The following STT3B variants were observed in gnomAD, a reference collection of about 807,000 sequenced individuals.
STT3B encodes dolichyl-diphosphooligosaccharide--protein glycosyltransferase subunit STT3B.
STT3B carries 29 observed loss-of-function variants against 96.8 expected under a neutral mutation model. The ratio of observed to expected loss-of-function variants is 0.30; its 90% CI spans 0.22 to 0.41. The LOEUF (loss-of-function observed/expected upper bound fraction) is 0.41. Ranked by LOEUF, STT3B falls within the 10% of genes least tolerant of loss-of-function variation. STT3B has a pLI of 1.00. For synonymous variants in STT3B, 367 were observed against 360.0 expected, an observed-to-expected ratio of 1.02 and a Z score of -0.22; for missense variants, 640 against 1,022.3, an observed-to-expected ratio of 0.63 and a Z score of 5.10.
chr3:31,566,401 T>C (rs1698007216), intron 1 of STT3B, among the ~76,000 whole-genome samples: 1 of 152,212 alleles, frequency 6.6e-6, no homozygotes, highest in Non-Finnish European at 1.5e-5. Flanking sequence ...ATATGTGTAG[T>C]GTCCTGCCGC....
At chr3:31,594,527 T>G (rs1174530621) in intron 3 of STT3B, among the ~76,000 whole-genome samples, 1 of 152,032 alleles carries the variant, frequency 6.6e-6, no homozygotes, top group East Asian at 1.9e-4. Flanking sequence ...CCTCCCGGGT[T>G]CAAGTGATTC....
chr3:31,533,332 TC>T lies in STT3B; in HGVS notation c.314+25del. 2 of 1,489,314 alleles carry T rather than the reference TC, an allele frequency of 1.3e-6. No homozygotes were observed. Among genetic ancestry groups the T allele is most frequent in the South Asian group, 1.3e-5 (1 of 79,630 alleles). The allele number at this position is 1,489,314 out of a possible 1,614,324, so 92.3% of individuals were successfully genotyped here. A position where few individuals can be genotyped will look rare whatever the true frequency, so the allele number is the denominator to read the frequency against. On this transcript the variant is annotated intron_variant, in intron 1 of 15. Transcript: ENST00000295770. Reference sequence around the variant, plus strand: ...CCCGTGGTAAGTGCCTCGCCGCCCCTCCCCCGCCCGTGGCCCGCGGGGAACC... The same window carrying T: ...CCCGTGGTAAGTGCCTCGCCGCCCCTCCCCGCCCGTGGCCCGCGGGGAACC...
At chr3:31,556,970 A>G (rs866889180) in intron 1 of STT3B, among the ~76,000 whole-genome samples, 9 of 152,262 alleles carry the variant, frequency 5.9e-5, no homozygotes, top group Middle Eastern at 6.8e-3. Context: ...CTTGACCATT[A>G]TCCTAAAGTG....
At chr3:31,534,606 A>AG (rs1398577178) in intron 1 of STT3B, among the ~76,000 whole-genome samples, 1 of 152,132 alleles carries the variant, frequency 6.6e-6, no homozygotes, top group East Asian at 1.9e-4. Flanking sequence ...GTTCGGGTGG[A>AG]GGGGGGCAGT....
chr3:31,564,809 A>G (rs1697962688), intron 1 of STT3B, among the ~76,000 whole-genome samples: 1 of 152,222 alleles, frequency 6.6e-6, no homozygotes, highest in Non-Finnish European at 1.5e-5. Context: ...AATTTCAGTG[A>G]AAGAAGAGAA....
At chr3:31,631,885 TCA>T (rs1051752855) in intron 14 of STT3B, among the ~76,000 whole-genome samples, 3 of 152,080 alleles carry the variant, frequency 2.0e-5, no homozygotes, top group Non-Finnish European at 4.4e-5. Flanking sequence ...AGACAGGATC[TCA>T]CTCTGTGGCC....
intron 1 of STT3B, among the ~76,000 whole-genome samples, chr3:31,550,333 A>AC (rs1697521953): frequency 6.6e-6 from 1 of 152,160 alleles, no homozygotes. Flanking sequence ...CCTTTAAACA[A>AC]CCTTTGGTTT....
chr3:31,585,505 A>G (rs1370779220), intron 3 of STT3B, among the ~76,000 whole-genome samples: 1 of 152,138 alleles, frequency 6.6e-6, no homozygotes, highest in Non-Finnish European at 1.5e-5. Flanking sequence ...AAAGTAATTA[A>G]CACAGATAAA....
rs1322054500 is a variant in STT3B at position 31,579,948 on chromosome 3, T to A, written c.563T>A (p.Leu188His). Residue 188 changes from leucine (L) to histidine (H), a missense_variant, in exon 3 of 16, where the codon CTT becomes CAT. Leu to His is a moderately conservative substitution (Grantham distance 99, BLOSUM62 -3). Transcript: ENST00000295770. ...SGLTSISTFL[L>H]TRELWNQGAG... ...CTTACATCTATATCTACTTTCCTGCTTACAAGAGAACTTTGGAACCAAGGA... is the reference window on the plus strand; with the variant it reads ...CTTACATCTATATCTACTTTCCTGCATACAAGAGAACTTTGGAACCAAGGA... 6.2e-7 allele frequency: 1 copy of A among 1,613,952 alleles called. No individual in the cohort carries two copies. Among genetic ancestry groups the A allele is most frequent in the Admixed American group, 1.7e-5 (1 of 60,010 alleles).
intron 3 of STT3B, among the ~76,000 whole-genome samples, chr3:31,580,750 A>G (rs189626761): frequency 2.2e-4 from 33 of 152,216 alleles, no homozygotes; most frequent in Non-Finnish European, 2.9e-4. Context: ...TTGCTCTAGC[A>G]TGGAATTCTG....
At chr3:31,541,453 T>G (rs1238423659) in intron 1 of STT3B, among the ~76,000 whole-genome samples, 6 of 151,588 alleles carry the variant, frequency 4.0e-5, no homozygotes, top group East Asian at 3.9e-4. Context: ...GGCTTTTGTG[T>G]CTTTTTTTTT....
Position 31,544,829 on chromosome 3 carries a change from A to G in STT3B, c.314+11517A>G, listed in dbSNP as rs1229852834. Among the ~76,000 whole-genome samples the G allele has an allele frequency of 2.6e-5, 4 of 152,232 alleles. No individual in the cohort carries two copies. In the East Asian group the frequency reaches 5.8e-4, roughly 22 times the overall value. On this transcript the variant is annotated intron_variant, in intron 1 of 15. Coordinates refer to ENST00000295770, the MANE Select transcript of STT3B (RefSeq NM_178862.3). ...TATCTCTACTAGAAATACAAAAATT[A>G]GACGGGCTGAGGCAGGAGAATTGCT...
intron 4 of STT3B, among the ~76,000 whole-genome samples, chr3:31,597,436 G>T (rs913040286): frequency 2.0e-5 from 3 of 151,942 alleles, no homozygotes; most frequent in African/African-American, 7.3e-5. Context: ...GGGATTACAG[G>T]CATGAGCCAC....
intron 1 of STT3B, among the ~76,000 whole-genome samples, chr3:31,557,394 A>G (rs566938857): frequency 3.3e-5 from 5 of 151,792 alleles, no homozygotes; most frequent in South Asian, 2.1e-4. Context: ...TGTTTTTTCT[A>G]TTTCTGTAAC....
chr3:31,618,455 GT>G lies in STT3B; in HGVS notation c.1172+478del, dbSNP rs965355900. 1.3e-3 allele frequency among the ~76,000 whole-genome samples: 189 copies of G among 143,088 alleles called. 4 individuals carry two copies. In the East Asian group the frequency reaches 0.02, roughly 15 times the overall value. The allele number at this position is 143,088 out of a possible 152,430, so 93.9% of individuals were successfully genotyped here. A position where few individuals can be genotyped will look rare whatever the true frequency, so the allele number is the denominator to read the frequency against. The stretch of plus-strand genomic sequence containing the variant: ...CACAAGAGAATATATATCTGTTGTG[GT>G]TTTTTTTTTTAAAGTGCTGTTATAA... On this transcript the variant is annotated intron_variant, in intron 8 of 15. Coordinates refer to ENST00000295770, the MANE Select transcript of STT3B (RefSeq NM_178862.3).
At chr3:31,620,497 C>A (rs911923721) in intron 9 of STT3B, among the ~76,000 whole-genome samples, 1 of 152,082 alleles carries the variant, frequency 6.6e-6, no homozygotes, top group African/African-American at 2.4e-5. Context: ...TTCCAGATTT[C>A]AGAGCAAAGA....
At chr3:31,630,153 G>C (rs1379320058) in intron 14 of STT3B, among the ~76,000 whole-genome samples, 2 of 152,172 alleles carry the variant, frequency 1.3e-5, no homozygotes, top group East Asian at 3.9e-4. Context: ...TCTTTGACAT[G>C]AAAGTTAATT....
At chr3:31,612,848 GTATGAATATGAC>G (rs1008815928) in intron 5 of STT3B, among the ~76,000 whole-genome samples, 1 of 152,170 alleles carries the variant, frequency 6.6e-6, no homozygotes. Context: ...TGAAGAGAAA[GTATGAATATGAC>G]TATGAATATG....
chr3:31,554,714 T>A (rs4264764), intron 1 of STT3B, among the ~76,000 whole-genome samples: 140,085 of 152,172 alleles, frequency 0.92, 64,648 homozygotes, highest in East Asian at 0.96. Context: ...TTTTATGCAC[T>A]CTTTTCTGGT....
Sources: gnomAD v4.1 joint callset for allele counts (sites outside exome capture counted in the v4.1 genomes callset) on GRCh38, gnomAD v4.1.1 for gene constraint, MANE v1.5 for transcripts, NCBI Gene and HGNC (gene_info 2026-07-23, HGNC 2026-07-21) for gene names.